Variants in CNBD1 observed in about 807,000 individuals in gnomAD.
The protein encoded by CNBD1 is cyclic nucleotide binding domain containing 1.
A neutral mutation model predicts 54.4 loss-of-function variants in CNBD1; 71 were observed. The observed-to-expected ratio is 1.30, with a 90% CI of 1.08 to 1.59. CNBD1 has a LOEUF of 1.59. Among genes scored for constraint, CNBD1 ranks in the 40% most tolerant of loss-of-function variants. The pLI is 0.00. For synonymous variants in CNBD1, 182 were observed against 170.7 expected (o/e 1.07, Z -0.51); for missense variants, 659 against 518.0 (o/e 1.27, Z -2.64).
chr8:87,293,544 A>C (rs1034756466), intron 8 of CNBD1, among the ~76,000 whole-genome samples: 27 of 152,220 alleles, frequency 1.8e-4, no homozygotes, highest in African/African-American at 6.5e-4. Flanking sequence ...CTCCATCTCA[A>C]AAAACAAAAT....
At chr8:86,923,419 T>C (rs750544455) in intron 3 of CNBD1, among the ~76,000 whole-genome samples, 4 of 152,158 alleles carry the variant, frequency 2.6e-5, no homozygotes, top group Non-Finnish European at 5.9e-5. Context: ...CCTTTGATCC[T>C]TGCTACTTGG....
intron 8 of CNBD1, among the ~76,000 whole-genome samples, chr8:87,332,262 C>G (rs761501885): frequency 6.6e-6 from 1 of 151,294 alleles, no homozygotes; most frequent in Non-Finnish European, 1.5e-5. Context: ...TCAGGAGAAT[C>G]GCTTGAACGC....
At chr8:87,361,150 G>C (rs1810517619) in intron 10 of CNBD1, among the ~76,000 whole-genome samples, 1 of 151,806 alleles carries the variant, frequency 6.6e-6, no homozygotes, top group African/African-American at 2.4e-5. Flanking sequence ...GCAATTCCAA[G>C]TTAAAAATAA....
At chr8:87,355,077 A>G (rs941672547) in intron 10 of CNBD1, among the ~76,000 whole-genome samples, 2 of 152,164 alleles carry the variant, frequency 1.3e-5, no homozygotes, top group Admixed American at 1.3e-4. Flanking sequence ...CTGCTGGATG[A>G]GTTTTTTAAA....
chr8:87,167,674 A>G (rs1262521906), intron 4 of CNBD1, among the ~76,000 whole-genome samples: 2 of 151,958 alleles, frequency 1.3e-5, no homozygotes, highest in African/African-American at 4.8e-5. Flanking sequence ...CCAACTGGAT[A>G]ATGCAGGGCT....
chr8:87,357,407 GC>G (rs781274136), intron 10 of CNBD1, among the ~76,000 whole-genome samples: 1 of 152,186 alleles, frequency 6.6e-6, no homozygotes, highest in Non-Finnish European at 1.5e-5. Context: ...GGGTGGAGCT[GC>G]CCAAGGCCTT....
chr8:86,900,309 A>G (rs896568739), intron 2 of CNBD1, among the ~76,000 whole-genome samples: 4 of 152,184 alleles, frequency 2.6e-5, no homozygotes, highest in African/African-American at 4.8e-5. Flanking sequence ...TCTCATGATA[A>G]AAGTTTTTCC....
chr8:87,173,677 G>A (rs1306721659), intron 4 of CNBD1, among the ~76,000 whole-genome samples: 11 of 123,064 alleles, frequency 8.9e-5, no homozygotes, highest in African/African-American at 1.2e-4. Context: ...TTTTTTTTTC[G>A]TTGCTTTTAG....
chr8:87,388,442 A>G lies in CNBD1; in HGVS notation c.213+34656A>G, dbSNP rs576113747. ...ATATCACCACCGATCCCACAGAAAT[A>G]CAAACTACCATCAGAGAATACTATA... On this transcript the variant is annotated intron_variant, in intron 2 of 7. Coordinates refer to the CNBD1 transcript ENST00000521593. Among the ~76,000 whole-genome samples the G allele has an allele frequency of 5.8e-4, 88 of 152,310 alleles. 1 individual carries two copies. Among genetic ancestry groups the G allele is most frequent in the Middle Eastern group, 3.4e-3 (1 of 294 alleles).
chr8:87,368,307 G>A (rs886203198), intron 10 of CNBD1, among the ~76,000 whole-genome samples: 10 of 151,934 alleles, frequency 6.6e-5, no homozygotes, highest in Admixed American at 6.6e-4. Context: ...TTAAGTTTTG[G>A]AAGGGCAGAC....
intron 4 of CNBD1, among the ~76,000 whole-genome samples, chr8:87,113,811 C>T (rs979913614): frequency 2.6e-5 from 4 of 151,272 alleles, no homozygotes; most frequent in East Asian, 1.9e-4. Flanking sequence ...CCCAGCTACT[C>T]GGGAGGCTGA....
At chr8:87,407,725 A>G (rs2130982244) in intron 2 of CNBD1, among the ~76,000 whole-genome samples, 1 of 152,110 alleles carries the variant, frequency 6.6e-6, no homozygotes, top group South Asian at 2.1e-4. Context: ...TCACAGTTTC[A>G]ATTTGTATTA....
At chr8:87,215,095 T>C (rs1430028930) in intron 5 of CNBD1, among the ~76,000 whole-genome samples, 3 of 152,038 alleles carry the variant, frequency 2.0e-5, no homozygotes, top group Non-Finnish European at 4.4e-5. Flanking sequence ...CATCAATGAG[T>C]GAAGAAACTT....
intron 4 of CNBD1, among the ~76,000 whole-genome samples, chr8:87,025,020 G>T (rs1194882397): frequency 6.6e-6 from 1 of 152,150 alleles, no homozygotes; most frequent in East Asian, 1.9e-4. Context: ...TGGGTGAGAT[G>T]AATGAAATTC....
intron 10 of CNBD1, among the ~76,000 whole-genome samples, chr8:87,373,780 A>T (rs1225781624): frequency 6.6e-6 from 1 of 151,824 alleles, no homozygotes; most frequent in Non-Finnish European, 1.5e-5. Context: ...GTGTATTTTT[A>T]GGATAAGTTT....
At chr8:86,944,018 A>T (rs2130434035) in intron 4 of CNBD1, among the ~76,000 whole-genome samples, 1 of 152,276 alleles carries the variant, frequency 6.6e-6, no homozygotes, top group African/African-American at 2.4e-5. Flanking sequence ...AGATTGTTGT[A>T]GTTTATTTTT....
chr8:86,947,402 A>G lies in CNBD1; in HGVS notation c.431+7648A>G, dbSNP rs916593774. On this transcript the variant is annotated intron_variant, in intron 4 of 10. Coordinates refer to ENST00000518476, the MANE Select transcript of CNBD1 (RefSeq NM_173538.3). ...GGCTTACATAAAATTTGGTTTCCAA[A>G]TGAGCCACTAAATTGGGCTCATTGT... is the stretch of plus-strand genomic sequence containing the variant. Among the ~76,000 whole-genome samples, 4 of 152,194 alleles carry G rather than the reference A, an allele frequency of 2.6e-5. No individual in the cohort carries two copies. In the East Asian group the frequency reaches 7.7e-4, roughly 29 times the overall value.
At chr8:87,392,162 G>A (rs1474872737) in intron 2 of CNBD1, among the ~76,000 whole-genome samples, 1 of 151,992 alleles carries the variant, frequency 6.6e-6, no homozygotes, top group Non-Finnish European at 1.5e-5. Flanking sequence ...AACAAGTGTT[G>A]TCAAAGATGT....
chr8:87,041,999 A>G lies in CNBD1; in HGVS notation c.431+102245A>G, dbSNP rs1563446631. On this transcript the variant is annotated intron_variant, in intron 4 of 10. Transcript: ENST00000518476. ...GTGACTTTATTAAGTTTGAACCTAC[A>G]CTAGAGATGGTGAGAAGTAGTCAGG... Among the ~76,000 whole-genome samples, 5 of 152,180 alleles carry G rather than the reference A, an allele frequency of 3.3e-5. No individual in the cohort carries two copies. The South Asian group carries it at 8.3e-4, about 25-fold the overall frequency.
Sources: allele counts gnomAD v4.1 joint callset (sites outside exome capture counted in the v4.1 genomes callset), GRCh38; gene constraint gnomAD v4.1.1; transcripts MANE v1.5; gene names NCBI Gene and HGNC (gene_info 2026-07-23, HGNC 2026-07-21).